The following XKR6 variants were observed in gnomAD, a reference collection of about 807,000 sequenced individuals.
The protein encoded by XKR6 is XK related 6.
XKR6 carries 22 observed loss-of-function variants against 56.7 expected under a neutral mutation model. The ratio of observed to expected loss-of-function variants is 0.39; its 90% confidence interval spans 0.28 to 0.55. XKR6 has a LOEUF of 0.55. Ranked by LOEUF, XKR6 falls within the 20% of genes least tolerant of loss-of-function variation. The pLI is 0.66. For missense variants in XKR6, 852 were observed against 889.0 expected, an observed-to-expected ratio of 0.96 and a Z score of 0.53; for synonymous variants, 524 against 387.8, an observed-to-expected ratio of 1.35 and a Z score of -4.13.
chr8:11,034,737 T>A (rs1415470208), intron 1 of XKR6, among the ~76,000 whole-genome samples: 1 of 152,052 alleles, frequency 6.6e-6, no homozygotes, highest in East Asian at 1.9e-4. Flanking sequence ...TTCTCTTACC[T>A]CCCTCCTGCC....
At chr8:11,082,017 T>C (rs936907479) in intron 1 of XKR6, among the ~76,000 whole-genome samples, 4 of 152,206 alleles carry the variant, frequency 2.6e-5, no homozygotes, top group Non-Finnish European at 4.4e-5. Context: ...AGGAAGTGCA[T>C]GCCCAAGGGT....
intron 1 of XKR6, among the ~76,000 whole-genome samples, chr8:10,962,309 G>T (rs1418657348): frequency 6.6e-6 from 1 of 152,124 alleles, no homozygotes; most frequent in Non-Finnish European, 1.5e-5. Flanking sequence ...AGCTTTGGGG[G>T]ACACCATCGT....
chr8:11,018,514 G>A (rs561097681), intron 1 of XKR6, among the ~76,000 whole-genome samples: 15 of 152,220 alleles, frequency 9.9e-5, no homozygotes, highest in Non-Finnish European at 1.9e-4. Context: ...CCAGGGAGAG[G>A]AGGACAAAGG....
intron 1 of XKR6, among the ~76,000 whole-genome samples, chr8:11,039,371 G>C (rs1014052422): frequency 6.6e-6 from 1 of 152,220 alleles, no homozygotes; most frequent in Non-Finnish European, 1.5e-5. Flanking sequence ...GGAACAGAAG[G>C]CTCTGCAGCC....
intron 1 of XKR6, among the ~76,000 whole-genome samples, chr8:11,188,560 C>T (rs2117117135): frequency 6.6e-6 from 1 of 152,300 alleles, no homozygotes; most frequent in East Asian, 1.9e-4. Flanking sequence ...AAACTTTGAA[C>T]ACAGAATTCC....
At chr8:10,911,647 T>G (rs982774636) in intron 2 of XKR6, among the ~76,000 whole-genome samples, 1 of 145,594 alleles carries the variant, frequency 6.9e-6, no homozygotes, top group Non-Finnish European at 1.5e-5. Flanking sequence ...TATATATATA[T>G]AGAATATATA....
intron 1 of XKR6, among the ~76,000 whole-genome samples, chr8:11,081,554 G>C (rs1311048877): frequency 6.6e-6 from 1 of 151,898 alleles, no homozygotes. Context: ...TCCTCTCCTG[G>C]GGCTCTTCCA....
At chr8:11,067,086 C>G (rs1334046286) in intron 1 of XKR6, 1 of 152,306 alleles carries the variant, frequency 6.6e-6, no homozygotes, top group Non-Finnish European at 1.5e-5. Context: ...ACTGCTTCAT[C>G]TTGCCTGTAA....
At chr8:11,110,527 T>A (rs1247212493) in intron 1 of XKR6, among the ~76,000 whole-genome samples, 1 of 152,296 alleles carries the variant, frequency 6.6e-6, no homozygotes, top group East Asian at 1.9e-4. Flanking sequence ...TCAGTCTCTA[T>A]AGTTCCGTGC....
chr8:11,010,776 C>CT (rs79200947), intron 1 of XKR6, among the ~76,000 whole-genome samples: 33 of 146,996 alleles, frequency 2.2e-4, no homozygotes, highest in East Asian at 7.9e-4. Flanking sequence ...CCCTCCCCAC[C>CT]TTTTTTTTTT....
rs1799927351 is a variant in XKR6 at position 10,897,842 on chromosome 8, G to A, written c.*110C>T. The A allele has an allele frequency of 7.3e-7, 1 of 1,367,440 alleles. No individual in the cohort carries two copies. The highest frequency in any genetic ancestry group is 9.7e-7 in the Non-Finnish European group (1 of 1,029,590). 84.7% of individuals were successfully genotyped at this position (1,367,440 alleles called of 1,614,324 possible). ...TGGTGTTGGTGTGGCGGTGTTGGTG[G>A]TGGTGGCGGTGGTTCTGTGTATTGG... On this transcript the variant is annotated 3_prime_UTR_variant, in exon 3 of 3. Coordinates refer to ENST00000416569, the MANE Select transcript of XKR6 (RefSeq NM_173683.4).
In XKR6 at chr8:10,964,686, G is replaced by A. The variant is rs373144191; in HGVS notation, c.765-39856C>T. 2.2e-4 allele frequency among the ~76,000 whole-genome samples: 34 copies of A among 152,278 alleles called. No individual in the cohort carries two copies. In the South Asian group the frequency reaches 2.3e-3, roughly 10 times the overall value. On this transcript the variant is annotated intron_variant, in intron 1 of 2. Coordinates refer to ENST00000416569, the MANE Select transcript of XKR6 (RefSeq NM_173683.4). Reference sequence around the variant, plus strand: ...CTGGCAGAGTTACATGACCTCACCCGCGGGATCTTGCCTGCCCACCCTGGA... The same window carrying A: ...CTGGCAGAGTTACATGACCTCACCCACGGGATCTTGCCTGCCCACCCTGGA...
intron 1 of XKR6, among the ~76,000 whole-genome samples, chr8:10,985,960 T>G (rs1301151237): frequency 6.6e-6 from 1 of 152,046 alleles, no homozygotes; most frequent in Non-Finnish European, 1.5e-5. Flanking sequence ...CATGGGAAAA[T>G]GAACAAGCAA....
chr8:11,146,140 G>C (rs545387057), intron 1 of XKR6, among the ~76,000 whole-genome samples: 4 of 152,262 alleles, frequency 2.6e-5, no homozygotes, highest in African/African-American at 9.6e-5. Flanking sequence ...ATATTGTTTA[G>C]AAAACACAAT....
At chr8:11,092,886 C>G (rs7820860) in intron 1 of XKR6, among the ~76,000 whole-genome samples, 86,637 of 152,098 alleles carry the variant, frequency 0.57, 28,268 homozygotes, top group African/African-American at 0.88. Context: ...CATCTTACAG[C>G]AGGCCATGAG....
chr8:10,980,232 G>C (rs1422940933), intron 1 of XKR6, among the ~76,000 whole-genome samples: 1 of 152,168 alleles, frequency 6.6e-6, no homozygotes, highest in African/African-American at 2.4e-5. Context: ...GCCAGGTTCT[G>C]GAGTGCCCAG....
intron 1 of XKR6, among the ~76,000 whole-genome samples, chr8:10,954,394 T>C (rs1303241686): frequency 6.6e-6 from 1 of 152,250 alleles, no homozygotes; most frequent in Non-Finnish European, 1.5e-5. Flanking sequence ...GGTTTTGATT[T>C]GTATTTCCCT....
chr8:11,119,466 G>C (rs1490590049), intron 1 of XKR6, among the ~76,000 whole-genome samples: 1 of 152,164 alleles, frequency 6.6e-6, no homozygotes, highest in Non-Finnish European at 1.5e-5. Flanking sequence ...AGGTCACTAA[G>C]GACTTGCTTT....
intron 1 of XKR6, among the ~76,000 whole-genome samples, chr8:10,976,775 C>G (rs4078187): frequency 0.019 from 2,839 of 148,132 alleles, 39 homozygotes; most frequent in African/African-American, 0.05. Context: ...CTCTCTCTCT[C>G]TCTGTCTCTC....
Sources: allele counts gnomAD v4.1 joint callset (sites outside exome capture counted in the v4.1 genomes callset), GRCh38; gene constraint gnomAD v4.1.1; transcripts MANE v1.5; gene names NCBI Gene and HGNC (gene_info 2026-07-23, HGNC 2026-07-21).